The following RCAN1 variants were observed in gnomAD, a reference collection of about 807,000 sequenced individuals.
RCAN1 encodes the protein regulator of calcineurin 1.
Under a neutral mutation model 22.9 loss-of-function variants are expected in RCAN1, and 11 were observed. The ratio of observed to expected loss-of-function variants is 0.48; its 90% CI spans 0.30 to 0.79. The LOEUF is 0.79. Ranked by LOEUF, RCAN1 falls within the 30% of genes least tolerant of loss-of-function variation. RCAN1 has a pLI of 0.06. For synonymous variants in RCAN1, 136 were observed against 142.3 expected (o/e 0.96, Z 0.32); for missense variants, 291 against 337.8 (o/e 0.86, Z 1.09).
chr21:34,569,263 G>A (rs1285305688), intron 1 of RCAN1, among the ~76,000 whole-genome samples: 1 of 152,190 alleles, frequency 6.6e-6, no homozygotes, highest in Non-Finnish European at 1.5e-5. Context: ...TATTGTCTCT[G>A]TGGAAAATGC....
intron 1 of RCAN1, among the ~76,000 whole-genome samples, chr21:34,613,096 A>G (rs1326291430): frequency 1.3e-5 from 2 of 152,330 alleles, no homozygotes; most frequent in South Asian, 2.1e-4. Flanking sequence ...AGTGGCTGGA[A>G]CACAGTAAGC....
At chr21:34,532,704 A>C (rs1430544105) in intron 1 of RCAN1, among the ~76,000 whole-genome samples, 1 of 152,220 alleles carries the variant, frequency 6.6e-6, no homozygotes, top group African/African-American at 2.4e-5. Flanking sequence ...ATGTCATCTC[A>C]TTCACATATC....
intron 1 of RCAN1, among the ~76,000 whole-genome samples, chr21:34,550,211 C>T (rs1440467963): frequency 6.6e-6 from 1 of 152,146 alleles, no homozygotes; most frequent in African/African-American, 2.4e-5. Flanking sequence ...TGTCATCTCC[C>T]AATGAAGATG....
At chr21:34,548,213 T>G (rs531726252) in intron 1 of RCAN1, among the ~76,000 whole-genome samples, 1 of 152,342 alleles carries the variant, frequency 6.6e-6, no homozygotes, top group East Asian at 1.9e-4. Context: ...AGCCTATAGA[T>G]CCTATGTTCT....
chr21:34,542,265 G>C (rs952739333), intron 1 of RCAN1, among the ~76,000 whole-genome samples: 3 of 152,216 alleles, frequency 2.0e-5, no homozygotes, highest in African/African-American at 7.2e-5. Context: ...CCCTGCCCTT[G>C]AATGTGGAGG....
At chr21:34,529,954 C>T (rs558371966) in intron 1 of RCAN1, among the ~76,000 whole-genome samples, 29 of 152,298 alleles carry the variant, frequency 1.9e-4, no homozygotes, top group Middle Eastern at 3.4e-3. Flanking sequence ...CATCATTTTC[C>T]CTTGCTGCCG....
At chr21:34,598,985 A>G (rs996222265) in intron 1 of RCAN1, among the ~76,000 whole-genome samples, 1 of 152,158 alleles carries the variant, frequency 6.6e-6, no homozygotes, top group Non-Finnish European at 1.5e-5. Flanking sequence ...GCAATGATTC[A>G]AAATGATTTC....
chr21:34,574,438 A>G (rs973647489), intron 1 of RCAN1, among the ~76,000 whole-genome samples: 1 of 152,232 alleles, frequency 6.6e-6, no homozygotes, highest in Non-Finnish European at 1.5e-5. Context: ...GGCATAAACC[A>G]TAAAGGAGAA....
intron 1 of RCAN1, chr21:34,526,716 A>G: frequency 6.2e-7 from 1 of 1,613,792 alleles, no homozygotes; most frequent in Non-Finnish European, 8.5e-7. Flanking sequence ...GCAATCAGGG[A>G]GCTAAAACTG....
intron 1 of RCAN1, among the ~76,000 whole-genome samples, chr21:34,607,008 A>ACTT (rs1194525049): frequency 6.6e-6 from 1 of 152,236 alleles, no homozygotes; most frequent in African/African-American, 2.4e-5. Flanking sequence ...GAATTAAATA[A>ACTT]TATTTTTGTC....
chr21:34,570,678 T>C (rs953247152), intron 1 of RCAN1, among the ~76,000 whole-genome samples: 1 of 150,842 alleles, frequency 6.6e-6, no homozygotes, highest in Non-Finnish European at 1.5e-5. Flanking sequence ...AACCAAAATA[T>C]GATACATGAA....
At position 34,614,445 on chromosome 21, in the gene RCAN1, G is replaced by A; in HGVS notation, c.252+315C>T. 1 of 1,011,196 alleles carries A rather than the reference G, an allele frequency of 9.9e-7. No homozygotes were observed. Among genetic ancestry groups the A allele is most frequent in the Non-Finnish European group, 1.2e-6 (1 of 847,172 alleles). 62.6% of individuals were successfully genotyped at this position (1,011,196 alleles called of 1,614,324 possible). ...GCGGGGCGATGGCGAGAGCGCAGGG[G>A]GCGGCGGCGCTGCCCCACCTTGGGG... On this transcript the variant is annotated intron_variant, in intron 1 of 3. Coordinates refer to ENST00000313806, the MANE Select transcript of RCAN1 (RefSeq NM_004414.7). The surrounding 1 kb of genome is among the most constrained non-coding windows in gnomAD (Gnocchi z 6.0).
At chr21:34,546,370 T>A (rs1475087636) in intron 1 of RCAN1, among the ~76,000 whole-genome samples, 3 of 151,576 alleles carry the variant, frequency 2.0e-5, no homozygotes, top group Non-Finnish European at 4.4e-5. Flanking sequence ...CAGTTACTTA[T>A]TAGTTTTTTT....
intron 1 of RCAN1, among the ~76,000 whole-genome samples, chr21:34,609,477 G>A (rs1040894068): frequency 2.6e-5 from 4 of 152,132 alleles, no homozygotes; most frequent in East Asian, 1.9e-4. Context: ...TCAGACCTGC[G>A]CAAACAGGCC....
At chr21:34,592,268 C>A (rs1361224625) in intron 1 of RCAN1, among the ~76,000 whole-genome samples, 1 of 152,204 alleles carries the variant, frequency 6.6e-6, no homozygotes, top group Non-Finnish European at 1.5e-5. Flanking sequence ...CCCTGGTCTG[C>A]GTGCAATGCC....
chr21:34,596,711 C>T (rs967678242), intron 1 of RCAN1, among the ~76,000 whole-genome samples: 8 of 152,166 alleles, frequency 5.3e-5, no homozygotes, highest in African/African-American at 1.9e-4. Context: ...GTTGGAACAC[C>T]AACACAGTAC....
intron 1 of RCAN1, among the ~76,000 whole-genome samples, chr21:34,556,823 G>A (rs557718098): frequency 2.6e-5 from 4 of 152,300 alleles, no homozygotes; most frequent in African/African-American, 7.2e-5. Flanking sequence ...GTGGTGTGAC[G>A]TCAATCACAT....
chr21:34,531,903 C>T (rs1409216228), intron 1 of RCAN1, among the ~76,000 whole-genome samples: 4 of 152,100 alleles, frequency 2.6e-5, no homozygotes, highest in South Asian at 2.1e-4. Context: ...AATGACCCCC[C>T]GTGTTAAAAA....
At chr21:34,526,842 G>C in intron 1 of RCAN1, 1 of 1,508,180 alleles carries the variant, frequency 6.6e-7, no homozygotes, top group East Asian at 2.5e-5. Context: ...TTCTTGAGCT[G>C]GTGCTTATAA....
Sources: allele counts gnomAD v4.1 joint callset (sites outside exome capture counted in the v4.1 genomes callset), GRCh38; gene constraint gnomAD v4.1.1; non-coding constraint Gnocchi (gnomAD v3.1); transcripts MANE v1.5; gene names NCBI Gene and HGNC (gene_info 2026-07-23, HGNC 2026-07-21).